MYO3A: variants seen among roughly 807,000 people sequenced by gnomAD.
The protein encoded by MYO3A is myosin-IIIa.
In MYO3A, 180 loss-of-function variants were observed where a neutral mutation model predicts 192.7. That is an observed-to-expected ratio of 0.93 (90% CI 0.83 to 1.06). The LOEUF is 1.06. Ranked by LOEUF, MYO3A falls within the 50% of genes least tolerant of loss-of-function variation. The pLI is 0.00. For missense variants in MYO3A, 1,896 were observed against 1,905.0 expected (o/e 1.00, Z 0.09); for synonymous variants, 628 against 645.3 (o/e 0.97, Z 0.41).
chr10:26,131,820 T>C (rs1311317631), intron 20 of MYO3A, among the ~76,000 whole-genome samples: 1 of 152,154 alleles, frequency 6.6e-6, no homozygotes, highest in Non-Finnish European at 1.5e-5. Flanking sequence ...GTTTGAAAAT[T>C]AGATGGTAAT....
chr10:26,105,733 A>C (rs1039875409), intron 17 of MYO3A, among the ~76,000 whole-genome samples: 1 of 152,022 alleles, frequency 6.6e-6, no homozygotes, highest in African/African-American at 2.4e-5. Context: ...GTTTTTGTTC[A>C]TAGTATCTAG....
chr10:26,208,354 C>T (rs1375937555), intron 34 of MYO3A, among the ~76,000 whole-genome samples: 2 of 151,812 alleles, frequency 1.3e-5, no homozygotes, highest in East Asian at 1.9e-4. Context: ...AAAGAAGCAT[C>T]AACAAAAAAA....
chr10:26,111,135 T>C (rs1838151914), intron 17 of MYO3A, among the ~76,000 whole-genome samples: 1 of 152,122 alleles, frequency 6.6e-6, no homozygotes, highest in South Asian at 2.1e-4. Flanking sequence ...CCCAAGTAGC[T>C]GGAATTACAG....
At chr10:26,070,735 C>G (rs1835152755) in intron 14 of MYO3A, among the ~76,000 whole-genome samples, 1 of 151,972 alleles carries the variant, frequency 6.6e-6, no homozygotes, top group Non-Finnish European at 1.5e-5. Flanking sequence ...AAACAAAAAT[C>G]AATTGTGTTT....
At chr10:26,166,465 C>A (rs1841757559) in intron 27 of MYO3A, among the ~76,000 whole-genome samples, 1 of 152,010 alleles carries the variant, frequency 6.6e-6, no homozygotes, top group East Asian at 1.9e-4. Flanking sequence ...TGGCTTGAGC[C>A]CAGGAGTTCA....
chr10:26,028,897 A>G (rs999003880), intron 10 of MYO3A, among the ~76,000 whole-genome samples: 7 of 152,160 alleles, frequency 4.6e-5, no homozygotes, highest in Non-Finnish European at 1.0e-4. Flanking sequence ...GGAAACTCCA[A>G]TCTTTTAAAT....
At chr10:26,136,790 A>G (rs7068633) in intron 20 of MYO3A, among the ~76,000 whole-genome samples, 75,682 of 152,098 alleles carry the variant, frequency 0.5, 19,373 homozygotes, top group Middle Eastern at 0.59. Flanking sequence ...GGCCAAGGTC[A>G]GCAGGATCAC....
chr10:26,132,805 C>T (rs187731220), intron 20 of MYO3A, among the ~76,000 whole-genome samples: 41 of 152,218 alleles, frequency 2.7e-4, no homozygotes, highest in Admixed American at 2.0e-4. Context: ...TTACTATTTA[C>T]AGCACATAAT....
chr10:25,995,883 C>G (rs566245514), intron 4 of MYO3A, among the ~76,000 whole-genome samples: 40 of 152,314 alleles, frequency 2.6e-4, no homozygotes, highest in Middle Eastern at 6.8e-3. Context: ...CAGAGGGGTA[C>G]CCGGCCCTGT....
At chr10:26,134,236 T>G (rs1027870215) in intron 20 of MYO3A, among the ~76,000 whole-genome samples, 4 of 152,198 alleles carry the variant, frequency 2.6e-5, no homozygotes, top group Non-Finnish European at 5.9e-5. Flanking sequence ...AATATTTTAT[T>G]AGGAATTATC....
In MYO3A at chr10:26,159,391, G is replaced by A. The variant is rs1478751033; in HGVS notation, c.2999+1876G>A. The stretch of plus-strand genomic sequence containing the variant: ...TTTTTTTTTTTTTAGACAGAGTCTC[G>A]CTCTGTCACCCAGGCTGGAGTGCAG... On this transcript the variant is annotated intron_variant, in intron 26 of 34. Coordinates refer to ENST00000642920, the MANE Select transcript of MYO3A (RefSeq NM_017433.5). Among the ~76,000 whole-genome samples, 8 of 138,456 alleles carry A rather than the reference G, an allele frequency of 5.8e-5. No homozygotes were observed. The East Asian group carries it at 6.3e-4, about 11-fold the overall frequency. 90.8% of individuals were successfully genotyped at this position (138,456 alleles called of 152,430 possible). A position where few individuals can be genotyped will look rare whatever the true frequency, so the allele number is the denominator to read the frequency against.
chr10:25,985,279 A>G (rs1346377405), intron 4 of MYO3A, among the ~76,000 whole-genome samples: 1 of 151,780 alleles, frequency 6.6e-6, no homozygotes, highest in Non-Finnish European at 1.5e-5. Flanking sequence ...GCACAAATAT[A>G]TACAATCTAA....
Position 26,193,287 on chromosome 10 carries a change from C to G in MYO3A, c.4521C>G (p.Asp1507Glu), listed in dbSNP as rs147759690. 1 of 1,613,536 alleles carries G rather than the reference C, an allele frequency of 6.2e-7. No homozygotes were observed. Among genetic ancestry groups the G allele is most frequent in the Non-Finnish European group, 8.5e-7 (1 of 1,179,576 alleles). ...RKPKTLNNPEDSTYYYLLHKS... is the reference protein window; with the variant it reads ...RKPKTLNNPEESTYYYLLHKS... Reference sequence around the variant, plus strand: ...CCAAAACATTAAATAACCCTGAAGACTCCACATACTATTATCTACTTCATG... The same window carrying G: ...CCAAAACATTAAATAACCCTGAAGAGTCCACATACTATTATCTACTTCATG... The change falls in exon 32 of 35, where the codon GAC becomes GAG. Residue 1507 changes from aspartate (D) to glutamate (E), a missense_variant. Coordinates refer to ENST00000642920, the MANE Select transcript of MYO3A (RefSeq NM_017433.5).
At chr10:26,047,151 A>G (rs1843675125) in intron 10 of MYO3A, among the ~76,000 whole-genome samples, 1 of 152,232 alleles carries the variant, frequency 6.6e-6, no homozygotes, top group African/African-American at 2.4e-5. Context: ...TTGTTCAAAG[A>G]GATTTCTGAA....
chr10:26,024,348 T>C (rs773954385), intron 9 of MYO3A, among the ~76,000 whole-genome samples: 4 of 152,222 alleles, frequency 2.6e-5, no homozygotes, highest in Non-Finnish European at 5.9e-5. Flanking sequence ...TGTTCGCCTG[T>C]GTTTTGCCTA....
chr10:25,958,724 G>A (rs1042559007), intron 4 of MYO3A, among the ~76,000 whole-genome samples: 5 of 152,126 alleles, frequency 3.3e-5, no homozygotes, highest in African/African-American at 1.2e-4. Flanking sequence ...CTATCCATGA[G>A]CATGGAATGT....
At position 25,997,175 on chromosome 10, in the gene MYO3A, AT is replaced by A. The variant is rs1840504841; in HGVS notation, c.426del (p.His142GlnfsTer10). ...HEALMGLQHL[H>X]NNKTIHRDVK... Reference sequence around the variant, plus strand: ...ATCTTCTAGGGACTTCAACATTTGCATAACAACAAAACTATCCACAGAGATG... The same window carrying A: ...ATCTTCTAGGGACTTCAACATTTGCAAACAACAAAACTATCCACAGAGATG... On this transcript the variant is annotated frameshift_variant, in exon 6 of 35. Coordinates refer to ENST00000642920, the MANE Select transcript of MYO3A (RefSeq NM_017433.5). LOFTEE classifies it high-confidence loss of function. 1 of 1,613,122 alleles carries A rather than the reference AT, an allele frequency of 6.2e-7. No individual in the cohort carries two copies. The highest frequency in any genetic ancestry group is 1.3e-5 in the African/African-American group (1 of 74,910).
At chr10:26,149,079 G>GTAGT (rs1402572934) in intron 23 of MYO3A, among the ~76,000 whole-genome samples, 1 of 152,026 alleles carries the variant, frequency 6.6e-6, no homozygotes. Flanking sequence ...TGGGGAAAGA[G>GTAGT]TAGTTAGTCT....
chr10:26,010,211 G>GAA (rs1841535844), intron 6 of MYO3A, among the ~76,000 whole-genome samples: 1 of 152,122 alleles, frequency 6.6e-6, no homozygotes, highest in African/African-American at 2.4e-5. Flanking sequence ...AGACTGGAGA[G>GAA]GATGGACTTC....
Sources: gnomAD v4.1 joint callset for allele counts (sites outside exome capture counted in the v4.1 genomes callset) on GRCh38, gnomAD v4.1.1 for gene constraint, MANE v1.5 for transcripts, NCBI Gene and HGNC (gene_info 2026-07-23, HGNC 2026-07-21) for gene names.